GPSM1: variants seen among roughly 807,000 people sequenced by gnomAD.
The protein encoded by GPSM1 is G protein-signaling modulator 1.
Under a neutral mutation model 70.5 loss-of-function variants are expected in GPSM1, and 48 were observed. The observed-to-expected ratio is 0.68, with a 90% CI of 0.54 to 0.87. The LOEUF is 0.87. GPSM1 is among the 40% of genes least tolerant of loss of function. GPSM1 has a pLI of 0.00. For missense variants in GPSM1, 981 were observed against 972.6 expected (o/e 1.01, Z -0.11); for synonymous variants, 416 against 430.1 (o/e 0.97, Z 0.41).
chr9:136,349,890 C>T lies in GPSM1; in HGVS notation c.1455+127C>T, dbSNP rs1395224267. On this transcript the variant is annotated intron_variant, in intron 11 of 13. Coordinates refer to ENST00000440944, the MANE Select transcript of GPSM1 (RefSeq NM_001145638.3). ...CTCCGGGGAGGCAGGGGTCCCTCCC[C>T]GGTGCACCTGGTGCAGTGCTGTCCT... is the stretch of plus-strand genomic sequence containing the variant. 3.4e-5 allele frequency: 29 copies of T among 847,190 alleles called. 1 individual carries two copies. Among genetic ancestry groups the T allele is most frequent in the South Asian group, 2.8e-4 (16 of 56,388 alleles). The allele number at this position is 847,190 out of a possible 1,614,324, so 52.5% of individuals were successfully genotyped here. A position where few individuals can be genotyped will look rare whatever the true frequency, so the allele number is the denominator to read the frequency against.
rs1400333074 is a variant in GPSM1 at position 136,348,700 on chromosome 9, C to A, written c.1211C>A (p.Ala404Asp). 1.2e-6 allele frequency: 2 copies of A among 1,610,570 alleles called. No homozygotes were observed. Among genetic ancestry groups the A allele is most frequent in the Non-Finnish European group, 1.7e-6 (2 of 1,178,658 alleles). ...PDLAGYEAQG[A>D]RPKRTQRLSA... ...GACCGGGTCCCTCTGTCTTCAGGGG[C>A]CAGACCCAAGAGGACGCAGAGGCTG... The change falls in exon 10 of 14, where the codon GCC becomes GAC. Residue 404 changes from alanine (A) to aspartate (D), a missense_variant. Transcript: ENST00000440944.
intron 1 of GPSM1, among the ~76,000 whole-genome samples, chr9:136,329,226 C>G (rs1162079557): frequency 6.6e-6 from 1 of 152,190 alleles, no homozygotes; most frequent in African/African-American, 2.4e-5. Context: ...CAGTTGAGCT[C>G]CAGGGTGGAG....
intron 1 of GPSM1, among the ~76,000 whole-genome samples, chr9:136,334,103 G>A (rs1832166655): frequency 6.6e-6 from 1 of 152,206 alleles, no homozygotes. Flanking sequence ...TGGGATTTGG[G>A]TGAAGGCAGG....
At position 136,341,851 on chromosome 9, in the gene GPSM1, A is replaced by G. The variant is rs1408932390; in HGVS notation, c.1207+858A>G. On this transcript the variant is annotated intron_variant, in intron 9 of 13. Coordinates refer to ENST00000440944, the MANE Select transcript of GPSM1 (RefSeq NM_001145638.3). This position sits in a 1 kb window ranked among gnomAD's most constrained non-coding sequence, Gnocchi z 6.7. ...GTTTTTATAGAGATAGGGCCTCACT[A>G]TGTTGCCCAGGCCAGTGTCAAACTC... The G allele has an allele frequency of 1.6e-5, 14 of 848,528 alleles. No individual in the cohort carries two copies. The highest frequency in any genetic ancestry group is 2.0e-5 in the Non-Finnish European group (14 of 704,840). The allele number at this position is 848,528 out of a possible 1,614,324, so 52.6% of individuals were successfully genotyped here. A position where few individuals can be genotyped will look rare whatever the true frequency, so the allele number is the denominator to read the frequency against.
rs529653724 is a variant in GPSM1, at chr9:136,358,380, G to C, written c.*160G>C. 8.8e-6 allele frequency: 6 copies of C among 680,458 alleles called. No homozygotes were observed. In the East Asian group the frequency reaches 1.5e-4, roughly 17 times the overall value. 42.2% of individuals were successfully genotyped at this position (680,458 alleles called of 1,614,324 possible). A position where few individuals can be genotyped will look rare whatever the true frequency, so the allele number is the denominator to read the frequency against. On this transcript the variant is annotated 3_prime_UTR_variant, in exon 14 of 14. Transcript: ENST00000440944. ...GCGACAGGCTCAGGCCAAGCTGCCC[G>C]TGGTGGGAGGGCGTGCTTCCATCCC... is the stretch of plus-strand genomic sequence containing the variant.
At position 136,340,763 on chromosome 9, in the gene GPSM1, A is replaced by G; in HGVS notation, c.1084-107A>G. The G allele has an allele frequency of 7.0e-7, 1 of 1,429,026 alleles. No individual in the cohort carries two copies. The highest frequency in any genetic ancestry group is 2.5e-5 in the East Asian group (1 of 39,984). The allele number at this position is 1,429,026 out of a possible 1,614,324, so 88.5% of individuals were successfully genotyped here. ...CAGGGGTCAGTGACCAGTTCAGGTC[A>G]CTCAGAAGGTCAGGGACGGGTGTAC... On this transcript the variant is annotated intron_variant, in intron 8 of 13. Transcript: ENST00000440944. This position sits in a 1 kb window ranked among gnomAD's most constrained non-coding sequence, Gnocchi z 7.3.
Position 136,338,722 on chromosome 9 carries a change from C to T in GPSM1, c.974+12C>T, listed in dbSNP as rs1554769732. The stretch of plus-strand genomic sequence containing the variant: ...GAGCTGGCCGACAGGTGCGTGGGCG[C>T]GGACGCGGCGGGCAGACCCGGCCCG... On this transcript the variant is annotated intron_variant, in intron 7 of 13. Coordinates refer to ENST00000440944, the MANE Select transcript of GPSM1 (RefSeq NM_001145638.3). 5.2e-6 allele frequency: 8 copies of T among 1,537,370 alleles called. No homozygotes were observed. The South Asian group carries it at 6.0e-5, about 11-fold the overall frequency.
At chr9:136,330,961 A>G (rs1350576323) in intron 1 of GPSM1, among the ~76,000 whole-genome samples, 1 of 152,130 alleles carries the variant, frequency 6.6e-6, no homozygotes, top group Non-Finnish European at 1.5e-5. Flanking sequence ...TGAGCCCACA[A>G]GGCCTCAAGG....
rs146691083 is a variant in GPSM1, at chr9:136,337,483, G to A, written c.621G>A (p.Ala207=). 4.3e-5 allele frequency: 67 copies of A among 1,566,462 alleles called. No homozygotes were observed. In the East Asian group the frequency reaches 6.7e-4, roughly 16 times the overall value. The change falls in exon 5 of 14, where the codon GCG becomes GCA. Residue 207 remains alanine (A), a synonymous_variant. Transcript: ENST00000440944. ...TGAAGGAGCTGGGCGACCGTGCGGC[G>A]CAGGGCAGGGCCTACGGCAACCTGG... The part of the protein sequence containing the change: ...SLVKELGDRA[A]QGRAYGNLGN...
intron 9 of GPSM1, among the ~76,000 whole-genome samples, chr9:136,347,319 G>A (rs1832546311): frequency 6.6e-6 from 1 of 152,122 alleles, no homozygotes; most frequent in Non-Finnish European, 1.5e-5. Flanking sequence ...CCCGCCCTCG[G>A]ACTCACACTG....
chr9:136,358,637 G>A lies in GPSM1; in HGVS notation c.*417G>A. The A allele has an allele frequency of 3.5e-6, 1 of 284,338 alleles. No individual in the cohort carries two copies. The allele number at this position is 284,338 out of a possible 1,614,324, so 17.6% of individuals were successfully genotyped here. A position where few individuals can be genotyped will look rare whatever the true frequency, so the allele number is the denominator to read the frequency against. Reference sequence around the variant, plus strand: ...GCCACCAAGGACAGGGCCATGTTCTGTCCCCCCAGAGCTGGTCTTGGGATG... The same window carrying A: ...GCCACCAAGGACAGGGCCATGTTCTATCCCCCCAGAGCTGGTCTTGGGATG... On this transcript the variant is annotated 3_prime_UTR_variant, in exon 14 of 14. Transcript: ENST00000440944.
chr9:136,338,472 G>A (rs1433281703), intron 6 of GPSM1, 83 bp from the exon 7 acceptor site: 33 of 1,346,244 alleles, frequency 2.5e-5, no homozygotes, highest in African/African-American at 1.4e-4. Flanking sequence ...GGGGACCATC[G>A]GGCAGACTGC....
At chr9:136,337,346 G>A in intron 4 of GPSM1, 95 bp from the exon 5 acceptor site, 5 of 1,509,822 alleles carry the variant, frequency 3.3e-6, no homozygotes, top group Non-Finnish European at 4.4e-6. Flanking sequence ...GCATGGCCCT[G>A]AGGCCGCATG....
At position 136,349,710 on chromosome 9, in the gene GPSM1, G is replaced by A. The variant is rs1832611163; in HGVS notation, c.1402G>A (p.Gly468Ser). ...GPDAERRPRE[G>S]SHSPLDSADV... ...GGACGCTGAGAGGAGGCCCCGGGAG[G>A]GCAGCCACTCCCCGCTGGACAGCGC... The change falls in exon 11 of 14, where the codon GGC (glycine) becomes AGC (serine). Residue 468 changes from glycine (G) to serine (S), a missense_variant. Coordinates refer to ENST00000440944, the MANE Select transcript of GPSM1 (RefSeq NM_001145638.3). 1.3e-6 allele frequency: 2 copies of A among 1,572,398 alleles called. No homozygotes were observed. The highest frequency in any genetic ancestry group is 1.9e-5 in the Admixed American group (1 of 53,436).
intron 11 of GPSM1, 82 bp from the exon 12 acceptor site, chr9:136,355,608 G>T (rs1252403194): frequency 7.5e-7 from 1 of 1,327,070 alleles, no homozygotes; most frequent in Non-Finnish European, 1.1e-6. Context: ...AGAAGTGTGT[G>T]TGGCCTGGGC....
rs558220116 is a variant in GPSM1 at position 136,351,437 on chromosome 9, C to G, written c.1455+1674C>G. On this transcript the variant is annotated intron_variant, in intron 11 of 13. Coordinates refer to ENST00000440944, the MANE Select transcript of GPSM1 (RefSeq NM_001145638.3). Reference sequence around the variant, plus strand: ...CTGGGTCTGCCCTGTCCACAGCTGGCTCTGCCCATCACATCTGGGCCGCCA... The same window carrying G: ...CTGGGTCTGCCCTGTCCACAGCTGGGTCTGCCCATCACATCTGGGCCGCCA... 1.5e-4 allele frequency among the ~76,000 whole-genome samples: 23 copies of G among 152,308 alleles called. 1 individual carries two copies. The highest frequency in any genetic ancestry group is 3.4e-3 in the Middle Eastern group (1 of 294).
intron 11 of GPSM1, 38 bp from the exon 12 acceptor site, chr9:136,355,652 G>A (rs782111603): frequency 1.2e-6 from 2 of 1,601,236 alleles, no homozygotes; most frequent in Non-Finnish European, 1.7e-6. Context: ...GGGTCTGCGG[G>A]GCTAGCTTTG....
At chr9:136,333,371 C>T (rs1254331805) in intron 1 of GPSM1, among the ~76,000 whole-genome samples, 1 of 152,222 alleles carries the variant, frequency 6.6e-6, no homozygotes, top group Non-Finnish European at 1.5e-5. Context: ...GGACACCAGG[C>T]CCCAGAGCAG....
Position 136,334,519 on chromosome 9 carries a change from C to A in GPSM1, c.141C>A (p.Gly47=), listed in dbSNP as rs149540277. 35 of 1,613,300 alleles carry A rather than the reference C, an allele frequency of 2.2e-5. No homozygotes were observed. In the African/African-American group the frequency reaches 4.0e-4, roughly 18 times the overall value. Residue 47 remains glycine, a synonymous_variant, in exon 2 of 14, where the codon GGC becomes GGA. Transcript: ENST00000440944. ...RLCKAGDFKT[G]VAFFEAAVQV... is the part of the protein sequence containing the mutation. Reference sequence around the variant, plus strand: ...GCAAGGCGGGCGACTTCAAGACAGGCGTGGCCTTCTTTGAGGCTGCTGTGC... The same window carrying A: ...GCAAGGCGGGCGACTTCAAGACAGGAGTGGCCTTCTTTGAGGCTGCTGTGC...
Sources: allele counts gnomAD v4.1 joint callset (sites outside exome capture counted in the v4.1 genomes callset), GRCh38; gene constraint gnomAD v4.1.1; non-coding constraint Gnocchi (gnomAD v3.1); transcripts MANE v1.5; gene names NCBI Gene and HGNC (gene_info 2026-07-23, HGNC 2026-07-21).